FSTL5: variants seen among roughly 807,000 people sequenced by gnomAD.
The protein encoded by FSTL5 is follistatin-related protein 5.
In FSTL5, 62 loss-of-function variants were observed where a neutral mutation model predicts 89.1. That is an observed-to-expected ratio of 0.70 (90% confidence interval 0.57 to 0.86). FSTL5 has a LOEUF of 0.86. Ranked by LOEUF, FSTL5 falls within the 40% of genes least tolerant of loss-of-function variation. The pLI is 0.00. For synonymous variants in FSTL5, 383 were observed against 346.2 expected, an observed-to-expected ratio of 1.11 and a Z score of -1.18; for missense variants, 1,057 against 1,001.6, an observed-to-expected ratio of 1.06 and a Z score of -0.75.
At chr4:161,817,999 T>C (rs1730379849) in intron 4 of FSTL5, among the ~76,000 whole-genome samples, 1 of 152,094 alleles carries the variant, frequency 6.6e-6, no homozygotes. Context: ...CTTGCGCAAA[T>C]GTAGCATTTC....
At chr4:161,604,863 A>G (rs1276214359) in intron 7 of FSTL5, among the ~76,000 whole-genome samples, 1 of 152,200 alleles carries the variant, frequency 6.6e-6, no homozygotes, top group Non-Finnish European at 1.5e-5. Context: ...TGCCTAAAAG[A>G]ACACAGCAGA....
At chr4:161,596,252 T>A (rs1161675170) in intron 7 of FSTL5, among the ~76,000 whole-genome samples, 1 of 151,812 alleles carries the variant, frequency 6.6e-6, no homozygotes, top group Admixed American at 6.6e-5. Flanking sequence ...TTTAATTTGG[T>A]AAATACATCA....
rs560838175 is a variant in FSTL5 at position 161,817,136 on chromosome 4, A to T, written c.410-41062T>A. On this transcript the variant is annotated intron_variant, in intron 4 of 15. Coordinates refer to ENST00000306100, the MANE Select transcript of FSTL5 (RefSeq NM_020116.5). ...ACTTTGTGGCTATCCAAATATGATT[A>T]GTCATGTAAGAAGACAGGCCAAAAT... is the stretch of plus-strand genomic sequence containing the variant. Among the ~76,000 whole-genome samples, 6 of 152,350 alleles carry T rather than the reference A, an allele frequency of 3.9e-5. No homozygotes were observed. In the South Asian group the frequency reaches 1.0e-3, roughly 26 times the overall value.
At chr4:161,620,844 A>G (rs1735096937) in intron 7 of FSTL5, among the ~76,000 whole-genome samples, 1 of 152,210 alleles carries the variant, frequency 6.6e-6, no homozygotes, top group Admixed American at 6.5e-5. Flanking sequence ...ATGATTTAAA[A>G]TTACAAATAT....
chr4:161,597,967 G>A (rs189278874), intron 7 of FSTL5, among the ~76,000 whole-genome samples: 4,980 of 152,032 alleles, frequency 0.033, 192 homozygotes, highest in African/African-American at 0.089. Flanking sequence ...TTATTGAAAG[G>A]TATTAAAGAG....
chr4:161,764,969 T>C (rs371907491), intron 5 of FSTL5, among the ~76,000 whole-genome samples: 85 of 152,354 alleles, frequency 5.6e-4, no homozygotes, highest in Middle Eastern at 3.4e-3. Flanking sequence ...TTTGTAATTG[T>C]AGCTTTGAGC....
chr4:161,544,262 A>G (rs1398848791), intron 8 of FSTL5, among the ~76,000 whole-genome samples: 3 of 146,454 alleles, frequency 2.0e-5, no homozygotes, highest in Non-Finnish European at 4.6e-5. Context: ...TTGATTGAGT[A>G]TGTGGAGAAA....
At chr4:161,688,106 A>G (rs71610976) in intron 6 of FSTL5, among the ~76,000 whole-genome samples, 28,132 of 152,200 alleles carry the variant, frequency 0.18, 3,021 homozygotes, top group Non-Finnish European at 0.25. Flanking sequence ...TTTAAGAGAC[A>G]GAGTCTCCCT....
At chr4:161,872,141 G>GTTTTTTTTTTTTTTTTTTTTTT (rs1171950770) in intron 4 of FSTL5, among the ~76,000 whole-genome samples, 2 of 79,558 alleles carry the variant, frequency 2.5e-5, no homozygotes, top group African/African-American at 1.1e-4. Flanking sequence ...TTTTTTTTTG[G>GTTTTTTTTTTTTTTTTTTTTTT]TTTTTTTTTT....
chr4:162,104,004 T>G (rs1731107457), intron 2 of FSTL5, among the ~76,000 whole-genome samples: 1 of 152,174 alleles, frequency 6.6e-6, no homozygotes. Flanking sequence ...TTCACTCTAT[T>G]AAATCTTGCA....
chr4:161,665,086 CAT>C (rs1736839997), intron 6 of FSTL5, among the ~76,000 whole-genome samples: 2 of 152,282 alleles, frequency 1.3e-5, no homozygotes, highest in Non-Finnish European at 1.5e-5. Context: ...CCAGCTAAAC[CAT>C]GTCAGTCACT....
intron 2 of FSTL5, among the ~76,000 whole-genome samples, chr4:162,077,330 C>T (rs953072860): frequency 1.3e-5 from 2 of 151,856 alleles, no homozygotes; most frequent in African/African-American, 4.8e-5. Flanking sequence ...ATTACCCAAA[C>T]ACCTCCTCAG....
chr4:161,759,975 T>A (rs1200313808), intron 5 of FSTL5, among the ~76,000 whole-genome samples: 1 of 152,188 alleles, frequency 6.6e-6, no homozygotes, highest in Non-Finnish European at 1.5e-5. Flanking sequence ...CTTCCTCATA[T>A]GATTTGTAAA....
At chr4:161,649,506 C>T (rs1736263155) in intron 7 of FSTL5, among the ~76,000 whole-genome samples, 1 of 151,974 alleles carries the variant, frequency 6.6e-6, no homozygotes, top group African/African-American at 2.4e-5. Context: ...AGGCTGGTTC[C>T]GTTTACCAAA....
At chr4:161,706,226 T>G (rs1307218180) in intron 6 of FSTL5, among the ~76,000 whole-genome samples, 1 of 151,368 alleles carries the variant, frequency 6.6e-6, no homozygotes, top group East Asian at 1.9e-4. Context: ...GTGTTAGAAT[T>G]TATCTATTAG....
intron 1 of FSTL5, among the ~76,000 whole-genome samples, chr4:162,144,061 C>A (rs1200100678): frequency 6.6e-6 from 1 of 152,088 alleles, no homozygotes; most frequent in Non-Finnish European, 1.5e-5. Flanking sequence ...AACCTGCTGG[C>A]AGAGCTTAAA....
intron 1 of FSTL5, among the ~76,000 whole-genome samples, chr4:162,139,434 A>AT (rs2111476231): frequency 6.6e-6 from 1 of 150,786 alleles, no homozygotes; most frequent in African/African-American, 2.4e-5. Flanking sequence ...AAGACATATC[A>AT]TGAAAGTATA....
chr4:161,616,856 T>G (rs1734891783), intron 7 of FSTL5, among the ~76,000 whole-genome samples: 1 of 150,870 alleles, frequency 6.6e-6, no homozygotes, highest in Non-Finnish European at 1.5e-5. Flanking sequence ...CCCTGGAACT[T>G]AACATTAAAT....
chr4:161,749,325 T>C (rs1012937269), intron 6 of FSTL5, among the ~76,000 whole-genome samples: 8 of 152,142 alleles, frequency 5.3e-5, no homozygotes, highest in African/African-American at 1.2e-4. Flanking sequence ...GTGGTACATA[T>C]ATACCGTGAA....
Sources: allele counts gnomAD v4.1 joint callset (sites outside exome capture counted in the v4.1 genomes callset), GRCh38; gene constraint gnomAD v4.1.1; transcripts MANE v1.5; gene names NCBI Gene and HGNC (gene_info 2026-07-23, HGNC 2026-07-21).